PPP2R5E: variants seen among roughly 807,000 people sequenced by gnomAD.
PPP2R5E encodes the protein serine/threonine-protein phosphatase 2A 56 kDa regulatory subunit epsilon isoform.
PPP2R5E carries 4 observed loss-of-function variants against 65.3 expected under a neutral mutation model. That is an observed-to-expected ratio of 0.06 (90% CI 0.03 to 0.14). The LOEUF (loss-of-function observed/expected upper bound fraction) is 0.14. Among genes scored for constraint, PPP2R5E ranks in the 10% least tolerant of loss-of-function variants. The pLI is 1.00. For synonymous variants in PPP2R5E, 183 were observed against 187.4 expected (o/e 0.98, Z 0.19); for missense variants, 274 against 556.1 (o/e 0.49, Z 5.10).
chr14:63,451,951 G>A (rs1414185509), intron 3 of PPP2R5E: 1 of 152,122 alleles, frequency 6.6e-6, no homozygotes, highest in African/African-American at 2.4e-5. Flanking sequence ...AAACTGATGT[G>A]TGTATAAGGA....
chr14:63,399,828 A>G (rs1885642691), intron 5 of PPP2R5E, among the ~76,000 whole-genome samples: 1 of 152,166 alleles, frequency 6.6e-6, no homozygotes, highest in Non-Finnish European at 1.5e-5. Flanking sequence ...TAACACACAA[A>G]TTAGACTACC....
chr14:63,371,795 G>A lies in PPP2R5E; in HGVS notation c.*4214C>T, dbSNP rs1463510472. On this transcript the variant is annotated 3_prime_UTR_variant, in exon 14 of 14. Transcript: ENST00000337537. ...ATCATGAACCACAGCATTACTAACA[G>A]GGAAAATGAACTTTTGCTGCCCTCT... 1 of 152,050 alleles carries A rather than the reference G, an allele frequency of 6.6e-6. No homozygotes were observed. Among genetic ancestry groups the A allele is most frequent in the Non-Finnish European group, 1.5e-5 (1 of 67,988 alleles). The allele number at this position is 152,050 out of a possible 1,614,324, so 9.4% of individuals were successfully genotyped here.
intron 11 of PPP2R5E, among the ~76,000 whole-genome samples, chr14:63,386,627 T>C (rs1331627999): frequency 6.6e-6 from 1 of 151,838 alleles, no homozygotes; most frequent in Non-Finnish European, 1.5e-5. Flanking sequence ...GTGGCAGAAA[T>C]GTAACATAGG....
At chr14:63,445,153 C>T (rs1594882864) in intron 3 of PPP2R5E, among the ~76,000 whole-genome samples, 1 of 152,182 alleles carries the variant, frequency 6.6e-6, no homozygotes, top group East Asian at 1.9e-4. Context: ...GAAATGAAGA[C>T]AGTGGCTTCC....
intron 2 of PPP2R5E, among the ~76,000 whole-genome samples, chr14:63,483,302 G>A (rs1274443424): frequency 6.6e-6 from 1 of 152,118 alleles, no homozygotes; most frequent in Admixed American, 6.6e-5. Flanking sequence ...ATAGATATTT[G>A]CCTAATTATG....
At chr14:63,479,082 T>C (rs1890561619) in intron 2 of PPP2R5E, among the ~76,000 whole-genome samples, 1 of 152,000 alleles carries the variant, frequency 6.6e-6, no homozygotes. Flanking sequence ...TGAGCTGAGA[T>C]CATGCCACTG....
chr14:63,431,939 G>A, intron 3 of PPP2R5E, among the ~76,000 whole-genome samples: 1 of 150,778 alleles, frequency 6.6e-6, no homozygotes, highest in East Asian at 1.9e-4. Context: ...GGCTTTCTAG[G>A]ACATAACAAC....
chr14:63,470,185 T>C (rs6573521), intron 2 of PPP2R5E, among the ~76,000 whole-genome samples: 42,664 of 151,854 alleles, frequency 0.28, 8,535 homozygotes, highest in African/African-American at 0.57. Context: ...AATCCTCCCA[T>C]TTCAGCCTCC....
rs1447268100 is a variant in PPP2R5E, at chr14:63,374,723, C to G, written c.*1286G>C. On this transcript the variant is annotated 3_prime_UTR_variant, in exon 14 of 14. Coordinates refer to ENST00000337537, the MANE Select transcript of PPP2R5E (RefSeq NM_006246.5). ...GTTTTTTTTTCTTAAACAATTTGGT[C>G]ACGATGCACCTTTGATATAAAAGCA... The G allele has an allele frequency of 6.9e-6, 1 of 143,958 alleles. No homozygotes were observed. 8.9% of individuals were successfully genotyped at this position (143,958 alleles called of 1,614,324 possible). A position where few individuals can be genotyped will look rare whatever the true frequency, so the allele number is the denominator to read the frequency against.
At chr14:63,428,561 T>C (rs889395152) in intron 3 of PPP2R5E, among the ~76,000 whole-genome samples, 1 of 152,218 alleles carries the variant, frequency 6.6e-6, no homozygotes, top group Admixed American at 6.5e-5. Flanking sequence ...AAGGACCTCA[T>C]AACTGCTTGC....
chr14:63,507,930 G>A (rs1566751764), intron 2 of PPP2R5E, among the ~76,000 whole-genome samples: 1 of 152,166 alleles, frequency 6.6e-6, no homozygotes, highest in Non-Finnish European at 1.5e-5. Flanking sequence ...ATAAGTTTGA[G>A]AAGCCTGACC....
At chr14:63,506,407 C>T (rs1390562551) in intron 2 of PPP2R5E, among the ~76,000 whole-genome samples, 6 of 152,038 alleles carry the variant, frequency 3.9e-5, no homozygotes, top group Admixed American at 1.3e-4. Context: ...GCCGAGACTG[C>T]GCCACTGCAC....
At chr14:63,534,843 C>T (rs1893601104) in intron 2 of PPP2R5E, among the ~76,000 whole-genome samples, 1 of 152,132 alleles carries the variant, frequency 6.6e-6, no homozygotes, top group Admixed American at 6.5e-5. Flanking sequence ...TGGTCTCAAA[C>T]TCTTGGGCTT....
At chr14:63,435,248 T>A (rs1447894838) in intron 3 of PPP2R5E, among the ~76,000 whole-genome samples, 2 of 151,782 alleles carry the variant, frequency 1.3e-5, no homozygotes, top group Non-Finnish European at 2.9e-5. Flanking sequence ...TATATCTAAA[T>A]TTTTTAAAGG....
intron 11 of PPP2R5E, among the ~76,000 whole-genome samples, chr14:63,385,460 C>T (rs1884606374): frequency 6.6e-6 from 1 of 152,198 alleles, no homozygotes; most frequent in Non-Finnish European, 1.5e-5. Context: ...TTCCTGACAT[C>T]ACTTTAGCAC....
At chr14:63,389,588 G>T (rs1226764531) in intron 11 of PPP2R5E, 24 bp downstream of exon 11, 2 of 1,579,932 alleles carry the variant, frequency 1.3e-6, no homozygotes, top group South Asian at 1.2e-5. Flanking sequence ...ATGCTCCCTG[G>T]CTCATGTCCT....
chr14:63,400,824 A>G (rs1885711833), intron 5 of PPP2R5E, among the ~76,000 whole-genome samples: 1 of 152,102 alleles, frequency 6.6e-6, no homozygotes, highest in African/African-American at 2.4e-5. Flanking sequence ...GGTTAATAGA[A>G]ATAATTAACC....
At chr14:63,432,164 A>G (rs1236046943) in intron 3 of PPP2R5E, among the ~76,000 whole-genome samples, 1 of 152,204 alleles carries the variant, frequency 6.6e-6, no homozygotes, top group Non-Finnish European at 1.5e-5. Flanking sequence ...ACACACAAGG[A>G]AGACATCATT....
chr14:63,393,276 C>T (rs1461221106), intron 8 of PPP2R5E, among the ~76,000 whole-genome samples: 1 of 152,160 alleles, frequency 6.6e-6, no homozygotes, highest in East Asian at 1.9e-4. Context: ...TATAAGTTCT[C>T]TGTAAAATAA....
Sources: allele counts gnomAD v4.1 joint callset (sites outside exome capture counted in the v4.1 genomes callset), GRCh38; gene constraint gnomAD v4.1.1; transcripts MANE v1.5; gene names NCBI Gene and HGNC (gene_info 2026-07-23, HGNC 2026-07-21).